RABEP1: variants seen among roughly 807,000 people sequenced by gnomAD.
RABEP1 encodes the protein rabaptin, RAB GTPase binding effector protein 1.
Under a neutral mutation model 123.4 loss-of-function variants are expected in RABEP1, and 51 were observed. That is an observed-to-expected ratio of 0.41 (90% CI 0.33 to 0.52). RABEP1 has a LOEUF of 0.52. Ranked by LOEUF, RABEP1 falls within the 20% of genes least tolerant of loss-of-function variation. The probability of loss-of-function intolerance (pLI) is 0.16; values close to 1 mark genes in which losing one functional copy is unlikely to be tolerated. For missense variants in RABEP1, 888 were observed against 996.3 expected (o/e 0.89, Z 1.46); for synonymous variants, 347 against 355.2 (o/e 0.98, Z 0.26).
At chr17:5,361,934 G>A (rs1909584539) in intron 9 of RABEP1, 1 of 412,884 alleles carries the variant, frequency 2.4e-6, no homozygotes, top group Admixed American at 4.1e-5. Flanking sequence ...CTCTCAGGTT[G>A]GAGCAATCTG....
intron 12 of RABEP1, 129 bp downstream of exon 12, chr17:5,368,597 T>C (rs1910281020): frequency 3.2e-6 from 2 of 617,002 alleles, no homozygotes; most frequent in South Asian, 2.2e-5. Context: ...CTCCCGGGAC[T>C]GTAGAACATT....
rs1008196010 is a variant in RABEP1 at position 5,347,003 on chromosome 17, A to T, written c.784+78A>T. 3.4e-6 allele frequency: 4 copies of T among 1,168,310 alleles called. No individual in the cohort carries two copies. The Admixed American group carries it at 1.2e-4, about 35-fold the overall frequency. 72.4% of individuals were successfully genotyped at this position (1,168,310 alleles called of 1,614,324 possible). A position where few individuals can be genotyped will look rare whatever the true frequency, so the allele number is the denominator to read the frequency against. On this transcript the variant is annotated intron_variant, in intron 6 of 17. Transcript: ENST00000537505. ...TTGATGTTGACTAATAACAGTGACA[A>T]ATCTTAAAATAACAATGCAACATGT...
chr17:5,382,440 CACATT>C (rs755730836), intron 17 of RABEP1, among the ~76,000 whole-genome samples: 18 of 151,684 alleles, frequency 1.2e-4, no homozygotes, highest in Non-Finnish European at 1.6e-4. Context: ...ATAATCCCAA[CACATT>C]ACACTTTAAA....
chr17:5,318,858 C>T (rs569966829), intron 2 of RABEP1, among the ~76,000 whole-genome samples: 1 of 152,146 alleles, frequency 6.6e-6, no homozygotes, highest in Non-Finnish European at 1.5e-5. Context: ...TTATACACTG[C>T]AGCCACGTGG....
At chr17:5,324,930 A>G (rs1009098627) in intron 2 of RABEP1, among the ~76,000 whole-genome samples, 1 of 152,252 alleles carries the variant, frequency 6.6e-6, no homozygotes, top group African/African-American at 2.4e-5. Context: ...TAGTACAGCC[A>G]CTGTGGAGAA....
At chr17:5,376,123 T>C (rs1910973103) in intron 13 of RABEP1, among the ~76,000 whole-genome samples, 1 of 152,170 alleles carries the variant, frequency 6.6e-6, no homozygotes, top group Non-Finnish European at 1.5e-5. Flanking sequence ...ATTACAGGCT[T>C]TAGCCACCGC....
Position 5,384,897 on chromosome 17 carries a change from T to A in RABEP1, c.*1674T>A, listed in dbSNP as rs1259977464. On this transcript the variant is annotated 3_prime_UTR_variant, in exon 18 of 18. Transcript: ENST00000537505. ...AATTTAAATTACGTAGGTTTAAGAC[T>A]AGTCCCTTGGATAAGCCCCAAGCGA... The A allele has an allele frequency of 4.5e-6, 1 of 223,016 alleles. No individual in the cohort carries two copies. Among genetic ancestry groups the A allele is most frequent in the African/African-American group, 2.2e-5 (1 of 44,832 alleles). The allele number at this position is 223,016 out of a possible 1,614,324, so 13.8% of individuals were successfully genotyped here. A position where few individuals can be genotyped will look rare whatever the true frequency, so the allele number is the denominator to read the frequency against.
intron 5 of RABEP1, among the ~76,000 whole-genome samples, chr17:5,345,639 A>C (rs1412936988): frequency 1.3e-5 from 2 of 152,212 alleles, no homozygotes; most frequent in Admixed American, 1.3e-4. Flanking sequence ...ATTTCATGAT[A>C]GTTGCAACTT....
At chr17:5,316,293 T>C (rs1195536212) in intron 2 of RABEP1, among the ~76,000 whole-genome samples, 1 of 149,912 alleles carries the variant, frequency 6.7e-6, no homozygotes, top group Non-Finnish European at 1.5e-5. Flanking sequence ...TCTACTAAAA[T>C]ACAAAAAATT....
At chr17:5,338,415 C>G (rs895460456) in intron 5 of RABEP1, among the ~76,000 whole-genome samples, 2 of 152,074 alleles carry the variant, frequency 1.3e-5, no homozygotes, top group African/African-American at 4.8e-5. Flanking sequence ...TACAAATTAA[C>G]CAGGCATGGT....
chr17:5,306,618 A>T, intron 1 of RABEP1, among the ~76,000 whole-genome samples: 1 of 131,460 alleles, frequency 7.6e-6, no homozygotes, highest in Non-Finnish European at 1.6e-5. Context: ...ACAGAGTGAG[A>T]CTCTGTCTGA....
At chr17:5,300,289 G>A (rs556216030) in intron 1 of RABEP1, among the ~76,000 whole-genome samples, 1 of 152,172 alleles carries the variant, frequency 6.6e-6, no homozygotes, top group Non-Finnish European at 1.5e-5. Flanking sequence ...GATCTTGCCA[G>A]TTTTAAGAAG....
chr17:5,380,319 C>T, intron 15 of RABEP1, 45 bp from the exon 16 acceptor site: 1 of 1,355,076 alleles, frequency 7.4e-7, no homozygotes, highest in Admixed American at 2.1e-5. Flanking sequence ...TGCACTGGGG[C>T]CCAGAGGGAG....
At chr17:5,284,083 G>C (rs1296201570) in intron 1 of RABEP1, 2 of 152,224 alleles carry the variant, frequency 1.3e-5, no homozygotes. Context: ...GGTATGCATA[G>C]CTGGCTGCTG....
intron 4 of RABEP1, chr17:5,336,470 CT>C (rs994342316): frequency 4.9e-5 from 23 of 468,566 alleles, no homozygotes; most frequent in Admixed American, 1.2e-4. Context: ...ACCTAATGTC[CT>C]TTTTTTTCTG....
intron 8 of RABEP1, among the ~76,000 whole-genome samples, chr17:5,360,548 C>T (rs9908280): frequency 0.018 from 2,708 of 152,302 alleles, 73 homozygotes; most frequent in African/African-American, 0.062. Context: ...GGCGACAGAG[C>T]GAGACTCCGT....
intron 8 of RABEP1, chr17:5,360,979 G>T (rs1284531921): frequency 9.9e-6 from 5 of 503,340 alleles, no homozygotes; most frequent in African/African-American, 5.8e-5. Context: ...TTTTGAAGCC[G>T]TATGTATCTC....
rs375091328 is a variant in RABEP1, at chr17:5,335,203, G to A, written c.387G>A (p.Glu129=). The A allele has an allele frequency of 6.2e-6, 10 of 1,612,012 alleles. No individual in the cohort carries two copies. The African/African-American group carries it at 1.3e-4, about 22-fold the overall frequency. The change falls in exon 4 of 18, where the codon GAG becomes GAA. Residue 129 remains glutamate (E), a synonymous_variant. Transcript: ENST00000537505. ...TTGTAGAAACAGTTCGTGACTATGA[G>A]CACCAGTTCCACCTTAGGCTGGAGC... ...AVMKETVRDY[E]HQFHLRLEQE... is the part of the protein sequence containing the mutation.
chr17:5,308,571 T>G, intron 1 of RABEP1, 123 bp from the exon 2 acceptor site: 3 of 941,212 alleles, frequency 3.2e-6, no homozygotes, highest in Non-Finnish European at 4.6e-6. Context: ...ATATGGTGGA[T>G]TTTTGGAAGA....
Sources: gnomAD v4.1 joint callset for allele counts (sites outside exome capture counted in the v4.1 genomes callset) on GRCh38, gnomAD v4.1.1 for gene constraint, MANE v1.5 for transcripts, NCBI Gene and HGNC (gene_info 2026-07-23, HGNC 2026-07-21) for gene names.